PPP3CA: variants seen among roughly 807,000 people sequenced by gnomAD.
The protein encoded by PPP3CA is CAM-PRP catalytic subunit.
PPP3CA carries 14 observed loss-of-function variants against 66.5 expected under a neutral mutation model. That is an observed-to-expected ratio of 0.21 (90% CI 0.14 to 0.33). The LOEUF (loss-of-function observed/expected upper bound fraction) is 0.33. Among genes scored for constraint, PPP3CA ranks in the 10% least tolerant of loss-of-function variants. The pLI, the probability that PPP3CA is intolerant of heterozygous loss-of-function variation, is 1.00. For synonymous variants in PPP3CA, 232 were observed against 226.2 expected, an observed-to-expected ratio of 1.03 and a Z score of -0.23; for missense variants, 317 against 639.5, an observed-to-expected ratio of 0.50 and a Z score of 5.44.
chr4:101,043,071 G>A (rs1727601000), intron 10 of PPP3CA, among the ~76,000 whole-genome samples: 1 of 152,024 alleles, frequency 6.6e-6, no homozygotes, highest in Admixed American at 6.6e-5. Context: ...ACAAAGAATG[G>A]AAACTGGGAG....
chr4:101,233,676 T>C (rs747571773), intron 1 of PPP3CA, among the ~76,000 whole-genome samples: 2 of 151,628 alleles, frequency 1.3e-5, no homozygotes, highest in South Asian at 4.2e-4. Flanking sequence ...TAAAACAACA[T>C]GATTAAATAT....
At chr4:101,249,765 G>A (rs1417515409) in intron 1 of PPP3CA, among the ~76,000 whole-genome samples, 2 of 152,006 alleles carry the variant, frequency 1.3e-5, no homozygotes, top group Admixed American at 6.6e-5. Flanking sequence ...ATCAATCTCA[G>A]TTTAGCACTA....
At chr4:101,073,477 A>AAAT (rs1215814236) in intron 8 of PPP3CA, among the ~76,000 whole-genome samples, 2 of 152,020 alleles carry the variant, frequency 1.3e-5, no homozygotes, top group Non-Finnish European at 2.9e-5. Flanking sequence ...GGGTTTCACC[A>AAAT]TATTGGCCAG....
chr4:101,095,237 C>G (rs1235743366), intron 5 of PPP3CA, among the ~76,000 whole-genome samples: 1 of 152,024 alleles, frequency 6.6e-6, no homozygotes, highest in Non-Finnish European at 1.5e-5. Context: ...CCTAAAAATA[C>G]AGAACTTCTT....
chr4:101,309,036 A>G (rs972267303), intron 1 of PPP3CA, among the ~76,000 whole-genome samples: 3 of 152,158 alleles, frequency 2.0e-5, no homozygotes, highest in African/African-American at 7.2e-5. Flanking sequence ...CTGAGGCAGA[A>G]GAATCACTTA....
At chr4:101,172,939 C>T (rs1170496167) in intron 2 of PPP3CA, among the ~76,000 whole-genome samples, 1 of 152,172 alleles carries the variant, frequency 6.6e-6, no homozygotes, top group East Asian at 1.9e-4. Flanking sequence ...CTACAAGGCA[C>T]ACATTAGATT....
At chr4:101,269,513 C>G (rs1333956604) in intron 1 of PPP3CA, among the ~76,000 whole-genome samples, 1 of 146,388 alleles carries the variant, frequency 6.8e-6, no homozygotes, top group South Asian at 2.2e-4. Context: ...GTCTTCTTAT[C>G]ATGCACAGAA....
intron 10 of PPP3CA, among the ~76,000 whole-genome samples, chr4:101,057,269 C>A (rs1204498151): frequency 6.6e-6 from 1 of 152,080 alleles, no homozygotes; most frequent in Non-Finnish European, 1.5e-5. Context: ...GTTGGCCAGG[C>A]TAGTCTCCAA....
chr4:101,072,939 A>G lies in PPP3CA; in HGVS notation c.955+7593T>C, dbSNP rs561047154. ...GGACAGAGTGAGACTCCTTCTCAAA[A>G]AAAAAAAAAAAAAATTATATATATA... is the stretch of plus-strand genomic sequence containing the variant. On this transcript the variant is annotated intron_variant, in intron 8 of 13. Transcript: ENST00000394854. 3.3e-5 allele frequency among the ~76,000 whole-genome samples: 5 copies of G among 149,438 alleles called. No individual in the cohort carries two copies. The South Asian group carries it at 1.0e-3, about 31-fold the overall frequency.
intron 8 of PPP3CA, among the ~76,000 whole-genome samples, chr4:101,074,803 C>T (rs1729109478): frequency 1.3e-5 from 2 of 152,144 alleles, no homozygotes; most frequent in Admixed American, 1.3e-4. Flanking sequence ...TCATATTTTT[C>T]CCTATCAAAA....
chr4:101,192,913 C>A (rs968300773), intron 2 of PPP3CA, among the ~76,000 whole-genome samples: 6 of 152,192 alleles, frequency 3.9e-5, no homozygotes, highest in Non-Finnish European at 8.8e-5. Context: ...TGCATATTCA[C>A]AACAGGTAGG....
chr4:101,158,576 G>A lies in PPP3CA; in HGVS notation c.259+37340C>T, dbSNP rs547453598. The stretch of plus-strand genomic sequence containing the variant: ...AATTAAATGTCAGATGAGAAATCAT[G>A]AGAGTAGTTAAAACTAGGTGCCACA... On this transcript the variant is annotated intron_variant, in intron 2 of 13. Transcript: ENST00000394854. 4.0e-4 allele frequency among the ~76,000 whole-genome samples: 61 copies of A among 152,304 alleles called. No individual in the cohort carries two copies. In the Middle Eastern group the frequency reaches 0.01, roughly 25 times the overall value.
At chr4:101,100,515 T>G (rs1334512692) in intron 3 of PPP3CA, among the ~76,000 whole-genome samples, 1 of 152,150 alleles carries the variant, frequency 6.6e-6, no homozygotes, top group Non-Finnish European at 1.5e-5. Context: ...GATGGTCAAT[T>G]ATGCATTCAC....
At chr4:101,238,087 C>T (rs1354934996) in intron 1 of PPP3CA, among the ~76,000 whole-genome samples, 1 of 151,974 alleles carries the variant, frequency 6.6e-6, no homozygotes, top group Admixed American at 6.6e-5. Flanking sequence ...TTCTGTTTCT[C>T]GGCAACAACA....
At chr4:101,089,027 A>G (rs1164573609) in intron 6 of PPP3CA, among the ~76,000 whole-genome samples, 1 of 152,232 alleles carries the variant, frequency 6.6e-6, no homozygotes, top group African/African-American at 2.4e-5. Context: ...AAGCCCTTTC[A>G]GGCATGGTGA....
At chr4:101,221,846 A>G (rs908971056) in intron 1 of PPP3CA, among the ~76,000 whole-genome samples, 6 of 151,614 alleles carry the variant, frequency 4.0e-5, no homozygotes, top group Admixed American at 2.0e-4. Flanking sequence ...TCTTCCCTCT[A>G]AAAGAAATGT....
chr4:101,079,602 C>T (rs759434238), intron 8 of PPP3CA, among the ~76,000 whole-genome samples: 2 of 152,072 alleles, frequency 1.3e-5, no homozygotes, highest in South Asian at 2.1e-4. Flanking sequence ...AGTTTGGTCT[C>T]GATCTCCTGA....
chr4:101,048,746 C>T (rs1727881915), intron 10 of PPP3CA, among the ~76,000 whole-genome samples: 3 of 152,024 alleles, frequency 2.0e-5, no homozygotes, highest in Admixed American at 1.3e-4. Context: ...CTCCAAATCA[C>T]TCTAAAGCAA....
chr4:101,254,515 A>G (rs1446456067), intron 1 of PPP3CA, among the ~76,000 whole-genome samples: 2 of 151,938 alleles, frequency 1.3e-5, no homozygotes, highest in African/African-American at 4.8e-5. Flanking sequence ...CATATTACCT[A>G]ATGCTAATAG....
Sources: gnomAD v4.1 joint callset for allele counts (sites outside exome capture counted in the v4.1 genomes callset) on GRCh38, gnomAD v4.1.1 for gene constraint, MANE v1.5 for transcripts, NCBI Gene and HGNC (gene_info 2026-07-23, HGNC 2026-07-21) for gene names.